Variants in FGD4 observed in about 807,000 individuals in gnomAD.
FGD4 encodes the protein FYVE, RhoGEF and PH domain-containing protein 4.
A neutral mutation model predicts 102.0 loss-of-function variants in FGD4; 42 were observed. That is an observed-to-expected ratio of 0.41 (90% CI 0.32 to 0.53). The LOEUF (loss-of-function observed/expected upper bound fraction) is 0.53. Among genes scored for constraint, FGD4 ranks in the 20% least tolerant of loss-of-function variants. The probability of loss-of-function intolerance (pLI) is 0.21; values close to 1 mark genes in which losing one functional copy is unlikely to be tolerated. For missense variants in FGD4, 902 were observed against 1,078.2 expected (o/e 0.84, Z 2.29); for synonymous variants, 380 against 375.7 (o/e 1.01, Z -0.13).
chr12:32,599,738 C>CG (rs1184668304), intron 5 of FGD4, among the ~76,000 whole-genome samples: 1 of 150,922 alleles, frequency 6.6e-6, no homozygotes, highest in East Asian at 2.0e-4. Flanking sequence ...TTAGTAGAGA[C>CG]GGGGTTTCAC....
At chr12:32,632,693 A>ATTTT (rs1181555047) in intron 14 of FGD4, among the ~76,000 whole-genome samples, 1 of 133,694 alleles carries the variant, frequency 7.5e-6, no homozygotes, top group Non-Finnish European at 1.6e-5. Flanking sequence ...TTTTATTTTT[A>ATTTT]TTTATTTATT....
chr12:32,522,569 G>A (rs912494382), intron 1 of FGD4, among the ~76,000 whole-genome samples: 3 of 152,190 alleles, frequency 2.0e-5, no homozygotes, highest in Non-Finnish European at 4.4e-5. Context: ...CCTGGCAGGG[G>A]CAGAACTAAC....
At chr12:32,560,368 C>T (rs1009459673) in intron 1 of FGD4, among the ~76,000 whole-genome samples, 1 of 152,106 alleles carries the variant, frequency 6.6e-6, no homozygotes, top group Non-Finnish European at 1.5e-5. Flanking sequence ...CCTCGCACCT[C>T]GGCCTTCTAA....
At chr12:32,460,011 G>T (rs980214552) in intron 1 of FGD4, among the ~76,000 whole-genome samples, 4 of 151,942 alleles carry the variant, frequency 2.6e-5, no homozygotes, top group Non-Finnish European at 5.9e-5. Flanking sequence ...TAGCCTACTT[G>T]ATTATTATTA....
intron 1 of FGD4, among the ~76,000 whole-genome samples, chr12:32,558,267 G>GT (rs1017869918): frequency 1.3e-5 from 2 of 152,146 alleles, no homozygotes; most frequent in African/African-American, 4.8e-5. Context: ...GTGGTTTTTG[G>GT]TTTTTTAAAG....
intron 1 of FGD4, among the ~76,000 whole-genome samples, chr12:32,525,689 G>A (rs1430508391): frequency 6.6e-6 from 1 of 152,252 alleles, no homozygotes; most frequent in Non-Finnish European, 1.5e-5. Flanking sequence ...GCACGAGCGG[G>A]AACCGGGGCT....
intron 14 of FGD4, among the ~76,000 whole-genome samples, chr12:32,633,206 G>A (rs1432224259): frequency 8.3e-6 from 1 of 120,906 alleles, no homozygotes; most frequent in Non-Finnish European, 1.7e-5. Flanking sequence ...CTGTGAGAGG[G>A]GACCGGGTTG....
Position 32,482,922 on chromosome 12 carries a change from A to G in FGD4, c.167-81215A>G, listed in dbSNP as rs116207665. Among the ~76,000 whole-genome samples the G allele has an allele frequency of 7.6e-3, 1,157 of 152,330 alleles. 23 individuals are homozygous for G. The highest frequency in any genetic ancestry group is 0.025 in the African/African-American group (1,041 of 41,584). On this transcript the variant is annotated intron_variant, in intron 1 of 16. Coordinates refer to ENST00000534526, the MANE Select transcript of FGD4 (RefSeq NM_001370298.3). ...TTACTTTCTCAGTTATAGATGATGT[A>G]TAGATGTTCTCAGTTTCAACACCTA...
rs61926167 is a variant in FGD4 at position 32,564,054 on chromosome 12, T to A, written c.167-83T>A. The A allele has an allele frequency of 0.2, 244,491 of 1,199,558 alleles. 25,117 individuals carry two copies. The highest frequency in any genetic ancestry group is 0.31 in the African/African-American group (17,250 of 54,890). The allele number at this position is 1,199,558 out of a possible 1,614,324, so 74.3% of individuals were successfully genotyped here. On this transcript the variant is annotated intron_variant, in intron 1 of 16. Transcript: ENST00000534526. ...GAGGGGGAGGGGGAGGGAGAGGGAG[T>A]GGGAGAGGGGAAATTTAACTTATAA...
intron 5 of FGD4, chr12:32,600,566 G>GTTTTTTTTT (rs1206266475): frequency 2.6e-6 from 1 of 392,006 alleles, no homozygotes; most frequent in African/African-American, 4.6e-5. Context: ...TTTGTTTTTT[G>GTTTTTTTTT]TTTTTCTTTC....
Position 32,402,217 on chromosome 12 carries a change from G to A in FGD4, c.166+2258G>A, listed in dbSNP as rs1940703917. The stretch of plus-strand genomic sequence containing the variant: ...AGCACTTTGGGAGACCGAGGGGGAG[G>A]ATCGCTTGAGCCCAGGAGTTTGAGA... On this transcript the variant is annotated intron_variant, in intron 1 of 16. Coordinates refer to ENST00000534526, the MANE Select transcript of FGD4 (RefSeq NM_001370298.3). Among the ~76,000 whole-genome samples, 5 of 150,804 alleles carry A rather than the reference G, an allele frequency of 3.3e-5. No homozygotes were observed. In the South Asian group the frequency reaches 1.0e-3, roughly 32 times the overall value.
At chr12:32,589,913 A>G (rs1012006822) in intron 4 of FGD4, among the ~76,000 whole-genome samples, 10 of 152,290 alleles carry the variant, frequency 6.6e-5, no homozygotes, top group African/African-American at 2.4e-4. Flanking sequence ...AGTTTGGGAA[A>G]ATATTGGTGG....
chr12:32,559,656 A>T (rs767761166), intron 1 of FGD4, among the ~76,000 whole-genome samples: 10 of 152,246 alleles, frequency 6.6e-5, no homozygotes, highest in Non-Finnish European at 1.3e-4. Context: ...ATTTTGGCAC[A>T]TTCGTGGGAG....
chr12:32,446,878 A>C (rs1474375627), intron 1 of FGD4, among the ~76,000 whole-genome samples: 2 of 152,292 alleles, frequency 1.3e-5, no homozygotes, highest in African/African-American at 4.8e-5. Context: ...TTCCTGGAGC[A>C]CAGGTAGGAT....
chr12:32,522,661 T>C (rs771000619), intron 1 of FGD4, among the ~76,000 whole-genome samples: 1 of 152,238 alleles, frequency 6.6e-6, no homozygotes, highest in Non-Finnish European at 1.5e-5. Context: ...AATAGGTTCC[T>C]GTGGAAATTT....
intron 1 of FGD4, among the ~76,000 whole-genome samples, chr12:32,555,312 C>T (rs1944000527): frequency 6.6e-6 from 1 of 152,080 alleles, no homozygotes; most frequent in African/African-American, 2.4e-5. Context: ...CTTAAGGCAG[C>T]TACTTTTAGA....
At chr12:32,562,785 C>G (rs1439612866) in intron 1 of FGD4, among the ~76,000 whole-genome samples, 1 of 151,534 alleles carries the variant, frequency 6.6e-6, no homozygotes, top group African/African-American at 2.4e-5. Context: ...TAGTACAGAA[C>G]AAAATGAAAA....
intron 1 of FGD4, among the ~76,000 whole-genome samples, chr12:32,515,664 A>G (rs1165301056): frequency 6.6e-6 from 1 of 152,196 alleles, no homozygotes; most frequent in Non-Finnish European, 1.5e-5. Flanking sequence ...ACTGACATTG[A>G]GCATTGCACA....
chr12:32,487,970 G>A (rs1005030338), intron 1 of FGD4, among the ~76,000 whole-genome samples: 2 of 152,132 alleles, frequency 1.3e-5, no homozygotes, highest in African/African-American at 4.8e-5. Flanking sequence ...AAAACTAATA[G>A]AGGACTTCAA....
Sources: gnomAD v4.1 joint callset for allele counts (sites outside exome capture counted in the v4.1 genomes callset) on GRCh38, gnomAD v4.1.1 for gene constraint, MANE v1.5 for transcripts, NCBI Gene and HGNC (gene_info 2026-07-23, HGNC 2026-07-21) for gene names.